Variants in ACAP2 observed in about 807,000 individuals in gnomAD.
ACAP2 encodes the protein ArfGAP with coiled-coil, ankyrin repeat and PH domains 2.
In ACAP2, 39 loss-of-function variants were observed where a neutral mutation model predicts 115.8. The ratio of observed to expected loss-of-function variants is 0.34; its 90% CI spans 0.26 to 0.44. The LOEUF (loss-of-function observed/expected upper bound fraction) is 0.44, where lower values mean the gene tolerates loss of function less well. ACAP2 is among the 20% of genes least tolerant of loss of function. The probability of loss-of-function intolerance (pLI) is 1.00; values close to 1 mark genes in which losing one functional copy is unlikely to be tolerated. For missense variants in ACAP2, 662 were observed against 927.6 expected (o/e 0.71, Z 3.72); for synonymous variants, 289 against 315.8 (o/e 0.92, Z 0.90).
At chr3:195,367,805 A>C (rs1367867195) in intron 4 of ACAP2, among the ~76,000 whole-genome samples, 2 of 152,156 alleles carry the variant, frequency 1.3e-5, no homozygotes, top group Non-Finnish European at 2.9e-5. Context: ...AGGGTGAAAG[A>C]AGCTCAGCCA....
At position 195,275,237 on chromosome 3, in the gene ACAP2, A is replaced by G. The variant is rs976780721; in HGVS notation, c.*4091T>C. 6 of 152,462 alleles carry G rather than the reference A, an allele frequency of 3.9e-5. No individual in the cohort carries two copies. The highest frequency in any genetic ancestry group is 1.4e-4 in the African/African-American group (6 of 41,472). 9.4% of individuals were successfully genotyped at this position (152,462 alleles called of 1,614,324 possible). A position where few individuals can be genotyped will look rare whatever the true frequency, so the allele number is the denominator to read the frequency against. On this transcript the variant is annotated 3_prime_UTR_variant, in exon 23 of 23. Coordinates refer to ENST00000326793, the MANE Select transcript of ACAP2 (RefSeq NM_012287.6). ...TAAGATAGTGAAAAGACCAATGCAG[A>G]GAAAAGTTTATGTAATCAAATCTTG...
At position 195,301,650 on chromosome 3, in the gene ACAP2, T is replaced by C; in HGVS notation, c.1326-6A>G. On this transcript the variant is annotated splice_region_variant and splice_polypyrimidine_tract_variant and intron_variant, in intron 14 of 22. Coordinates refer to ENST00000326793, the MANE Select transcript of ACAP2 (RefSeq NM_012287.6). ...AAAAATGAACCCCAAGGCTCCTAAG[T>C]GGAAAAAAGAAGACTGCATTACTAT... The C allele has an allele frequency of 3.7e-6, 6 of 1,610,986 alleles. No individual in the cohort carries two copies. The highest frequency in any genetic ancestry group is 5.1e-6 in the Non-Finnish European group (6 of 1,179,010).
rs781162738 is a variant in ACAP2, at chr3:195,282,397, TTTG to T, written c.2237-2972_2237-2970del. 4 of 152,350 alleles carry T rather than the reference TTTG, an allele frequency of 2.6e-5. No individual in the cohort carries two copies. The East Asian group carries it at 5.8e-4, about 22-fold the overall frequency. The allele number at this position is 152,350 out of a possible 1,614,324, so 9.4% of individuals were successfully genotyped here. A position where few individuals can be genotyped will look rare whatever the true frequency, so the allele number is the denominator to read the frequency against. ...CCACCTTCACATACACACAAAACTT[TTTG>T]TTAACATTTAGTTTCTAACAAAACA... is the stretch of plus-strand genomic sequence containing the variant. On this transcript the variant is annotated intron_variant, in intron 22 of 22. Transcript: ENST00000326793.
intron 4 of ACAP2, among the ~76,000 whole-genome samples, chr3:195,380,124 T>G (rs918432329): frequency 1.3e-5 from 2 of 152,232 alleles, no homozygotes; most frequent in Admixed American, 6.5e-5. Context: ...TATGACCCAG[T>G]AAGTCTACAC....
At chr3:195,422,614 C>T (rs910965459) in intron 1 of ACAP2, among the ~76,000 whole-genome samples, 2 of 152,080 alleles carry the variant, frequency 1.3e-5, no homozygotes, top group Non-Finnish European at 2.9e-5. Context: ...TACAGAACTA[C>T]AGGCATGCAC....
At chr3:195,301,898 G>A in intron 14 of ACAP2, 68 bp downstream of exon 14, 1 of 1,539,016 alleles carries the variant, frequency 6.5e-7, no homozygotes, top group Non-Finnish European at 8.9e-7. Flanking sequence ...CAACTAACAA[G>A]TGAAACAACC....
chr3:195,283,970 T>C (rs1477966467), intron 22 of ACAP2, among the ~76,000 whole-genome samples: 2 of 152,198 alleles, frequency 1.3e-5, no homozygotes, highest in Admixed American at 6.5e-5. Flanking sequence ...AACTCAAAAA[T>C]GACAGTGGAA....
Position 195,295,665 on chromosome 3 carries a change from C to A in ACAP2, c.1672+43G>T, listed in dbSNP as rs140758729. The stretch of plus-strand genomic sequence containing the variant: ...TCAGGGATTATAAAAGTGATTTGAG[C>A]TTAAGAAAATAGCTATAGACACAGT... On this transcript the variant is annotated intron_variant, in intron 17 of 22. Transcript: ENST00000326793. 2.6e-3 allele frequency: 4,113 copies of A among 1,604,550 alleles called. 75 individuals are homozygous for A. In the African/African-American group the frequency reaches 0.041, roughly 16 times the overall value.
chr3:195,289,084 C>G (rs1251785240), intron 21 of ACAP2, 37 bp downstream of exon 21: 1 of 1,527,842 alleles, frequency 6.5e-7, no homozygotes, highest in East Asian at 2.3e-5. Context: ...CTGTAATTCA[C>G]TGTATGGAAA....
intron 15 of ACAP2, among the ~76,000 whole-genome samples, chr3:195,298,252 C>CTT (rs33951107): frequency 6.4e-5 from 7 of 109,950 alleles, no homozygotes; most frequent in Admixed American, 2.7e-4. Flanking sequence ...TTTCTCTCCT[C>CTT]TTTTTTTTTT....
intron 2 of ACAP2, among the ~76,000 whole-genome samples, chr3:195,386,741 T>C (rs1230383043): frequency 6.6e-6 from 1 of 151,702 alleles, no homozygotes; most frequent in Non-Finnish European, 1.5e-5. Flanking sequence ...ATGGCACATG[T>C]ATACCTGTGT....
chr3:195,330,551 T>C (rs1172872840), intron 8 of ACAP2, among the ~76,000 whole-genome samples: 1 of 152,192 alleles, frequency 6.6e-6, no homozygotes, highest in Non-Finnish European at 1.5e-5. Context: ...TTTGATAGTG[T>C]GTGAGGAATG....
chr3:195,292,486 G>A (rs760632601), intron 18 of ACAP2, 34 bp from the exon 19 acceptor site: 1 of 1,555,024 alleles, frequency 6.4e-7, no homozygotes, highest in Non-Finnish European at 8.6e-7. Flanking sequence ...CAATAAAAAT[G>A]AGCTCTTGGC....
intron 4 of ACAP2, chr3:195,356,126 C>T (rs1413929119): frequency 8.8e-6 from 4 of 456,596 alleles, no homozygotes; most frequent in African/African-American, 8.0e-5. Flanking sequence ...GAATTGCTGA[C>T]CCCAGCCCTC....
At chr3:195,386,745 C>T (rs1734332400) in intron 2 of ACAP2, among the ~76,000 whole-genome samples, 1 of 151,886 alleles carries the variant, frequency 6.6e-6, no homozygotes. Context: ...CACATGTATA[C>T]CTGTGTTACA....
At chr3:195,403,885 A>G (rs1712522724) in intron 1 of ACAP2, among the ~76,000 whole-genome samples, 1 of 152,196 alleles carries the variant, frequency 6.6e-6, no homozygotes, top group South Asian at 2.1e-4. Context: ...TAAGTTTAGT[A>G]ATCAAGAGCA....
chr3:195,435,243 T>C (rs1181963527), intron 1 of ACAP2, among the ~76,000 whole-genome samples: 1 of 151,638 alleles, frequency 6.6e-6, no homozygotes. Flanking sequence ...GGCGTACTCT[T>C]GGCTCACTGC....
chr3:195,393,777 G>T (rs1181131582), intron 1 of ACAP2, among the ~76,000 whole-genome samples: 1 of 151,410 alleles, frequency 6.6e-6, no homozygotes, highest in Non-Finnish European at 1.5e-5. Flanking sequence ...AGGAAATAAT[G>T]TAAATAAATT....
At chr3:195,385,668 T>C (rs1246494499) in intron 2 of ACAP2, among the ~76,000 whole-genome samples, 12 of 152,094 alleles carry the variant, frequency 7.9e-5, no homozygotes, top group Admixed American at 6.6e-4. Context: ...TCCTGAGGTC[T>C]TGAAGAGCCA....
Sources: gnomAD v4.1 joint callset for allele counts (sites outside exome capture counted in the v4.1 genomes callset) on GRCh38, gnomAD v4.1.1 for gene constraint, MANE v1.5 for transcripts, NCBI Gene and HGNC (gene_info 2026-07-23, HGNC 2026-07-21) for gene names.